SH3KBP1: variants seen among roughly 807,000 people sequenced by gnomAD.
SH3KBP1 encodes SH3 domain containing kinase binding protein 1.
Under a neutral mutation model 50.1 loss-of-function variants are expected in SH3KBP1, and 8 were observed. That is an observed-to-expected ratio of 0.16 (90% CI 0.09 to 0.29). The LOEUF is 0.29. Ranked by LOEUF, SH3KBP1 falls within the 10% of genes least tolerant of loss-of-function variation. The pLI is 1.00. For synonymous variants in SH3KBP1, 227 were observed against 218.6 expected (o/e 1.04, Z -0.34); for missense variants, 377 against 535.2 (o/e 0.70, Z 2.92).
chrX:19,568,558 C>CA (rs2065916405), intron 13 of SH3KBP1, among the ~76,000 whole-genome samples: 1 of 112,125 alleles, frequency 8.9e-6, no homozygotes, highest in South Asian at 3.7e-4. Flanking sequence ...GCCTCACACC[C>CA]ACTCACGTAC....
chrX:19,848,995 G>C (rs1264203294), intron 1 of SH3KBP1, among the ~76,000 whole-genome samples: 2 of 110,185 alleles, frequency 1.8e-5, no homozygotes, highest in Non-Finnish European at 3.8e-5. Flanking sequence ...TTTGTTCAGA[G>C]ATGAGAGTCT....
intron 1 of SH3KBP1, among the ~76,000 whole-genome samples, chrX:19,861,371 T>C (rs1477156026): frequency 1.8e-5 from 2 of 109,063 alleles, no homozygotes; most frequent in Admixed American, 1.9e-4. Context: ...AGCAAGACTC[T>C]GTCTCAAAAA....
chrX:19,697,439 C>T (rs1186706490), intron 4 of SH3KBP1, among the ~76,000 whole-genome samples: 1 of 112,085 alleles, frequency 8.9e-6, no homozygotes, highest in Non-Finnish European at 1.9e-5. Context: ...GAATAATTAA[C>T]ACACTTCACA....
At chrX:19,646,689 C>T (rs1262345255) in intron 6 of SH3KBP1, among the ~76,000 whole-genome samples, 1 of 112,607 alleles carries the variant, frequency 8.9e-6, no homozygotes, top group Non-Finnish European at 1.9e-5. Flanking sequence ...AAAAGTTATT[C>T]ATGCTTCAAA....
intron 6 of SH3KBP1, among the ~76,000 whole-genome samples, chrX:19,667,628 C>T (rs2062631286): frequency 9.1e-6 from 1 of 110,156 alleles, no homozygotes; most frequent in Non-Finnish European, 1.9e-5. Context: ...GACTCTGTCT[C>T]AAAAAACAAA....
chrX:19,843,474 G>A (rs745951374), intron 1 of SH3KBP1, among the ~76,000 whole-genome samples: 39 of 111,329 alleles, frequency 3.5e-4, no homozygotes, highest in African/African-American at 1.1e-3. Flanking sequence ...GGGGATCTCC[G>A]CGTACAATAA....
At chrX:19,629,290 G>A (rs1176889007) in intron 8 of SH3KBP1, among the ~76,000 whole-genome samples, 2 of 110,887 alleles carry the variant, frequency 1.8e-5, no homozygotes, top group African/African-American at 6.6e-5. Context: ...AGGTCAGGAC[G>A]GGTGAAGGAG....
chrX:19,880,764 G>A (rs776177260), intron 1 of SH3KBP1, among the ~76,000 whole-genome samples: 29 of 111,281 alleles, frequency 2.6e-4, no homozygotes, highest in African/African-American at 8.2e-4. Flanking sequence ...TTATCCAGGT[G>A]GGCCCAGTGT....
chrX:19,867,489 G>A (rs2068942920), intron 1 of SH3KBP1, among the ~76,000 whole-genome samples: 1 of 112,239 alleles, frequency 8.9e-6, no homozygotes, highest in South Asian at 3.7e-4. Flanking sequence ...CCCCAGGAAA[G>A]TGAAATTGCA....
intron 6 of SH3KBP1, among the ~76,000 whole-genome samples, chrX:19,657,380 GAAA>G (rs58287030): frequency 4.5e-5 from 3 of 66,977 alleles, no homozygotes; most frequent in African/African-American, 5.2e-5. Flanking sequence ...ATCCTGCCTC[GAAA>G]AAAAAAAAAA....
At chrX:19,873,863 A>G in intron 1 of SH3KBP1, among the ~76,000 whole-genome samples, 1 of 104,889 alleles carries the variant, frequency 9.5e-6, no homozygotes, top group East Asian at 2.9e-4. Flanking sequence ...AGCCTGGATA[A>G]CACAATGAAA....
At chrX:19,882,792 A>G (rs1171586214) in intron 1 of SH3KBP1, among the ~76,000 whole-genome samples, 1 of 111,708 alleles carries the variant, frequency 9.0e-6, no homozygotes, top group Non-Finnish European at 1.9e-5. Context: ...GGATGCTGGG[A>G]AGTGCCTGTG....
At chrX:19,863,495 C>T (rs751207100) in intron 1 of SH3KBP1, among the ~76,000 whole-genome samples, 4 of 112,447 alleles carry the variant, frequency 3.6e-5, no homozygotes, top group African/African-American at 3.2e-5. Flanking sequence ...AAAGCTCCCA[C>T]GTACTATTTC....
intron 9 of SH3KBP1, among the ~76,000 whole-genome samples, chrX:19,607,309 C>T (rs2067270703): frequency 8.9e-6 from 1 of 112,470 alleles, no homozygotes; most frequent in African/African-American, 3.2e-5. Flanking sequence ...CTTCTAACTT[C>T]CCAATATTTC....
At chrX:19,820,588 A>G (rs1361843105) in intron 2 of SH3KBP1, among the ~76,000 whole-genome samples, 1 of 110,938 alleles carries the variant, frequency 9.0e-6, no homozygotes, top group Non-Finnish European at 1.9e-5. Context: ...CAACGTGCCT[A>G]TATCAATATA....
At chrX:19,665,615 T>C (rs1188947044) in intron 6 of SH3KBP1, among the ~76,000 whole-genome samples, 2 of 112,131 alleles carry the variant, frequency 1.8e-5, no homozygotes, top group African/African-American at 6.5e-5. Flanking sequence ...ATTTGGGATC[T>C]AGCCTCCAAC....
intron 7 of SH3KBP1, among the ~76,000 whole-genome samples, chrX:19,639,567 C>CG (rs2061801975): frequency 9.0e-6 from 1 of 111,067 alleles, no homozygotes; most frequent in African/African-American, 3.3e-5. Context: ...TTAAGCCACA[C>CG]GGGTAGGCTG....
At chrX:19,667,451 C>T (rs930211695) in intron 6 of SH3KBP1, among the ~76,000 whole-genome samples, 1 of 110,644 alleles carries the variant, frequency 9.0e-6, no homozygotes, top group Non-Finnish European at 1.9e-5. Context: ...CATAGTAAGA[C>T]CCTGTCTCTA....
intron 6 of SH3KBP1, among the ~76,000 whole-genome samples, chrX:19,667,812 A>AC (rs2062639961): frequency 1.8e-5 from 1 of 55,847 alleles, no homozygotes; most frequent in South Asian, 8.6e-4. Flanking sequence ...TTCTGTTGGG[A>AC]TTTTTTTTTT....
Sources: allele counts gnomAD v4.1 joint callset (sites outside exome capture counted in the v4.1 genomes callset), GRCh38; gene constraint gnomAD v4.1.1; transcripts MANE v1.5; gene names NCBI Gene and HGNC (gene_info 2026-07-23, HGNC 2026-07-21).